TENM3: variants seen among roughly 807,000 people sequenced by gnomAD.
The protein encoded by TENM3 is teneurin-3.
A neutral mutation model predicts 255.1 loss-of-function variants in TENM3; 63 were observed. The ratio of observed to expected loss-of-function variants is 0.25; its 90% CI spans 0.20 to 0.30. The LOEUF is 0.30. TENM3 is among the 10% of genes least tolerant of loss of function. TENM3 has a pLI of 1.00. For synonymous variants in TENM3, 1,306 were observed against 1,322.3 expected (o/e 0.99, Z 0.27); for missense variants, 2,929 against 3,461.1 (o/e 0.85, Z 3.86).
intron 1 of TENM3, among the ~76,000 whole-genome samples, chr4:182,221,850 TG>T (rs1187815104): frequency 6.6e-6 from 1 of 152,242 alleles, no homozygotes; most frequent in African/African-American, 2.4e-5. Context: ...ATCCTCTCTT[TG>T]AAAATACCTT....
At chr4:182,241,743 G>A (rs531812182), upstream of TENM3, among the ~76,000 whole-genome samples, 10 of 151,838 alleles carry the variant, frequency 6.6e-5, no homozygotes, top group East Asian at 1.4e-3. Context: ...TCCTGACCTC[G>A]TGATCCACCT....
At chr4:181,672,136 A>G in the TENM3 span, among the ~76,000 whole-genome samples, 3 of 152,178 alleles carry the variant, frequency 2.0e-5, no homozygotes, top group Admixed American at 2.0e-4. Flanking sequence ...ACGCTGTGAT[A>G]GTCTGTCCAG....
the TENM3 span, among the ~76,000 whole-genome samples, chr4:182,083,452 G>C: frequency 2.0e-5 from 3 of 152,156 alleles, no homozygotes; most frequent in African/African-American, 7.2e-5. Flanking sequence ...ATCTGATGGA[G>C]AAGAAATGTG....
the TENM3 span, among the ~76,000 whole-genome samples, chr4:181,602,757 A>G: frequency 1.6e-3 from 249 of 152,326 alleles, no homozygotes; most frequent in African/African-American, 5.6e-3. Flanking sequence ...GGACATATGG[A>G]TCACTATAAG....
At chr4:182,245,059 A>T (rs946210916) in intron 1 of TENM3, among the ~76,000 whole-genome samples, 1 of 152,226 alleles carries the variant, frequency 6.6e-6, no homozygotes, top group Non-Finnish European at 1.5e-5. Context: ...GAAACATTCA[A>T]AACAATCGAG....
the TENM3 span, among the ~76,000 whole-genome samples, chr4:181,824,700 G>GA: frequency 6.6e-6 from 1 of 151,634 alleles, no homozygotes; most frequent in South Asian, 2.1e-4. Flanking sequence ...CAAAATTAAG[G>GA]AAAAATGATC....
the TENM3 span, among the ~76,000 whole-genome samples, chr4:181,974,946 C>G: frequency 1.3e-5 from 2 of 152,102 alleles, no homozygotes; most frequent in Non-Finnish European, 2.9e-5. Flanking sequence ...TTCCCATCCT[C>G]CCTGCTTTTG....
chr4:182,352,007 A>G (rs1765214510), intron 3 of TENM3, among the ~76,000 whole-genome samples: 1 of 152,158 alleles, frequency 6.6e-6, no homozygotes, highest in Non-Finnish European at 1.5e-5. Context: ...TTATGTGGCT[A>G]TGAAGATTAA....
chr4:182,337,597 C>G (rs73869934), intron 2 of TENM3, among the ~76,000 whole-genome samples: 2,336 of 152,256 alleles, frequency 0.015, 71 homozygotes, highest in African/African-American at 0.053. Flanking sequence ...AATGACACAA[C>G]TGCTTTGGAA....
chr4:182,420,549 A>C (rs1770753853), intron 3 of TENM3, among the ~76,000 whole-genome samples: 1 of 152,226 alleles, frequency 6.6e-6, no homozygotes, highest in Non-Finnish European at 1.5e-5. Flanking sequence ...CAGACTAAAA[A>C]TAGAACATGG....
the TENM3 span, among the ~76,000 whole-genome samples, chr4:181,917,121 G>A: frequency 6.6e-6 from 1 of 152,118 alleles, no homozygotes; most frequent in Non-Finnish European, 1.5e-5. Context: ...TATGTGCCTG[G>A]CGCTCTTATG....
At position 182,619,078 on chromosome 4, in the gene TENM3, T is replaced by A. The variant is rs1749830119; in HGVS notation, c.750-9573T>A. On this transcript the variant is annotated intron_variant, in intron 4 of 27. Coordinates refer to ENST00000511685, the MANE Select transcript of TENM3 (RefSeq NM_001080477.4). ...GGGGACAGCAAAAAAGATGAGGAAA[T>A]TCAGTCAATTTGCAACGTGACCCAT... Among the ~76,000 whole-genome samples the A allele has an allele frequency of 2.6e-5, 4 of 151,902 alleles. No individual in the cohort carries two copies. In the South Asian group the frequency reaches 8.3e-4, roughly 32 times the overall value.
the TENM3 span, among the ~76,000 whole-genome samples, chr4:181,605,568 A>AAGAAAGAAAGGG: frequency 2.4e-5 from 1 of 42,164 alleles, no homozygotes; most frequent in African/African-American, 8.6e-5. Flanking sequence ...GAAAGAAAGA[A>AAGAAAGAAAGGG]AGAGAGAGAA....
chr4:181,969,442 T>G, the TENM3 span, among the ~76,000 whole-genome samples: 1 of 152,196 alleles, frequency 6.6e-6, no homozygotes, highest in Non-Finnish European at 1.5e-5. Context: ...TGATATATAT[T>G]GAGCATAAAA....
chr4:181,953,867 A>G, the TENM3 span, among the ~76,000 whole-genome samples: 1 of 152,098 alleles, frequency 6.6e-6, no homozygotes, highest in Non-Finnish European at 1.5e-5. Flanking sequence ...TACACCATGA[A>G]TCCAGTACCA....
At chr4:182,437,133 A>C (rs1484917800) in intron 3 of TENM3, among the ~76,000 whole-genome samples, 1 of 152,194 alleles carries the variant, frequency 6.6e-6, no homozygotes, top group African/African-American at 2.4e-5. Context: ...TTAACACACC[A>C]AATGTTACCA....
intron 3 of TENM3, among the ~76,000 whole-genome samples, chr4:182,463,065 A>G (rs1168404800): frequency 6.6e-6 from 1 of 152,098 alleles, no homozygotes; most frequent in East Asian, 1.9e-4. Context: ...TCTGCATCCC[A>G]TAATTTTGAT....
In TENM3 at chr4:182,277,017, C is replaced by A. The variant is rs577173824; in HGVS notation, c.-76+33541C>A. 1.3e-4 allele frequency among the ~76,000 whole-genome samples: 20 copies of A among 152,286 alleles called. 1 individual carries two copies. The South Asian group carries it at 4.1e-3, about 32-fold the overall frequency. Reference sequence around the variant, plus strand: ...AAGAGCAAGAAGCATTTATAAAAGGCCTCTTTGGCAATGGCCTTTGATGTC... The same window carrying A: ...AAGAGCAAGAAGCATTTATAAAAGGACTCTTTGGCAATGGCCTTTGATGTC... On this transcript the variant is annotated intron_variant, in intron 1 of 27. Coordinates refer to ENST00000511685, the MANE Select transcript of TENM3 (RefSeq NM_001080477.4).
chr4:182,601,228 T>TA (rs2152412937), intron 4 of TENM3, 67 bp downstream of exon 4: 1 of 1,257,560 alleles, frequency 8.0e-7, no homozygotes, highest in South Asian at 1.2e-5. Flanking sequence ...TTACTATACT[T>TA]ACATATTCTG....
Sources: gnomAD v4.1 joint callset for allele counts (sites outside exome capture counted in the v4.1 genomes callset) on GRCh38, gnomAD v4.1.1 for gene constraint, MANE v1.5 for transcripts, NCBI Gene and HGNC (gene_info 2026-07-23, HGNC 2026-07-21) for gene names.